TMEM132D: variants seen among roughly 807,000 people sequenced by gnomAD.
The protein encoded by TMEM132D is transmembrane protein 132D.
In TMEM132D, 21 loss-of-function variants were observed where a neutral mutation model predicts 62.3. The observed-to-expected ratio is 0.34, with a 90% CI of 0.24 to 0.49. TMEM132D has a LOEUF of 0.49. Ranked by LOEUF, TMEM132D falls within the 20% of genes least tolerant of loss-of-function variation. The pLI, the probability that TMEM132D is intolerant of heterozygous loss-of-function variation, is 0.99. For missense variants in TMEM132D, 1,346 were observed against 1,402.8 expected (o/e 0.96, Z 0.65); for synonymous variants, 621 against 575.6 (o/e 1.08, Z -1.13).
At chr12:129,143,736 G>C (rs550526894) in intron 5 of TMEM132D, among the ~76,000 whole-genome samples, 2 of 152,206 alleles carry the variant, frequency 1.3e-5, no homozygotes, top group Admixed American at 6.5e-5. Context: ...TGCAGAAAAA[G>C]AGAAAGGAAT....
intron 5 of TMEM132D, among the ~76,000 whole-genome samples, chr12:129,191,390 C>A (rs1023784934): frequency 6.7e-6 from 1 of 150,334 alleles, no homozygotes; most frequent in Non-Finnish European, 1.5e-5. Flanking sequence ...AGAAATTACA[C>A]ATATAGAATA....
chr12:129,789,913 A>C (rs1186374478), intron 1 of TMEM132D, among the ~76,000 whole-genome samples: 1 of 152,258 alleles, frequency 6.6e-6, no homozygotes, highest in East Asian at 1.9e-4. Context: ...CTTGTGTCTG[A>C]AATCCATAAA....
chr12:129,598,908 C>A (rs971755433), intron 2 of TMEM132D, among the ~76,000 whole-genome samples: 2 of 152,166 alleles, frequency 1.3e-5, no homozygotes, highest in Non-Finnish European at 2.9e-5. Context: ...TAAGGCCTGG[C>A]TGCTCAGACC....
intron 3 of TMEM132D, among the ~76,000 whole-genome samples, chr12:129,406,529 A>C (rs897520223): frequency 6.6e-6 from 1 of 151,942 alleles, no homozygotes; most frequent in Non-Finnish European, 1.5e-5. Flanking sequence ...CTAAGGCAGG[A>C]GAATGGCGTG....
At chr12:129,446,046 G>C (rs745905988) in intron 3 of TMEM132D, among the ~76,000 whole-genome samples, 3 of 152,168 alleles carry the variant, frequency 2.0e-5, no homozygotes, top group African/African-American at 4.8e-5. Flanking sequence ...TCAGAAAAGG[G>C]AGAGAAGCTT....
At chr12:129,701,210 T>C (rs1881377878) in intron 1 of TMEM132D, among the ~76,000 whole-genome samples, 1 of 152,228 alleles carries the variant, frequency 6.6e-6, no homozygotes, top group African/African-American at 2.4e-5. Flanking sequence ...TCCACTCATA[T>C]GCACGTTCTG....
chr12:129,306,453 T>C (rs1178137343), intron 4 of TMEM132D, among the ~76,000 whole-genome samples: 2 of 152,154 alleles, frequency 1.3e-5, no homozygotes, highest in Non-Finnish European at 2.9e-5. Flanking sequence ...TTCCAAAACA[T>C]ATTAACAAAG....
chr12:129,310,290 A>C (rs1881942384), intron 4 of TMEM132D, among the ~76,000 whole-genome samples: 1 of 152,182 alleles, frequency 6.6e-6, no homozygotes, highest in Non-Finnish European at 1.5e-5. Flanking sequence ...CCCAGAAAAC[A>C]GAAGGGCATT....
At position 129,620,531 on chromosome 12, in the gene TMEM132D, G is replaced by A. The variant is rs372854505; in HGVS notation, c.968+79279C>T. 3.1e-3 allele frequency among the ~76,000 whole-genome samples: 477 copies of A among 152,222 alleles called. 5 individuals are homozygous for A. Among genetic ancestry groups the A allele is most frequent in the African/African-American group, 0.011 (457 of 41,524 alleles). ...TGAGAATCACTTGAACCCGGGAGGC[G>A]GAGGTTGCAGTCAGCTAAGATTGGG... On this transcript the variant is annotated intron_variant, in intron 2 of 8. Coordinates refer to ENST00000422113, the MANE Select transcript of TMEM132D (RefSeq NM_133448.3).
intron 3 of TMEM132D, among the ~76,000 whole-genome samples, chr12:129,497,057 C>G: frequency 6.6e-6 from 1 of 152,298 alleles, no homozygotes; most frequent in East Asian, 1.9e-4. Context: ...CCTGTCATCC[C>G]AGCACTTTGA....
intron 4 of TMEM132D, among the ~76,000 whole-genome samples, chr12:129,314,487 T>C (rs1347188482): frequency 1.3e-5 from 2 of 152,270 alleles, no homozygotes; most frequent in Non-Finnish European, 2.9e-5. Flanking sequence ...CCTATTTTTA[T>C]ACCAGTACCA....
At chr12:129,543,304 GGATGGATA>G (rs1337988273) in intron 2 of TMEM132D, among the ~76,000 whole-genome samples, 3,446 of 135,928 alleles carry the variant, frequency 0.025, 196 homozygotes, top group African/African-American at 0.095. Flanking sequence ...GTGGGTGGGT[GGATGGATA>G]GATGGATGGA....
intron 3 of TMEM132D, among the ~76,000 whole-genome samples, chr12:129,478,295 T>C (rs1179420532): frequency 2.0e-5 from 3 of 152,184 alleles, no homozygotes; most frequent in Non-Finnish European, 4.4e-5. Context: ...TCATAAAAAC[T>C]CTACACTTAG....
intron 4 of TMEM132D, among the ~76,000 whole-genome samples, chr12:129,272,142 G>T (rs895407954): frequency 3.3e-5 from 5 of 151,842 alleles, no homozygotes; most frequent in Non-Finnish European, 7.3e-5. Context: ...ATGAGGAAAA[G>T]AATACCCAAG....
chr12:129,455,273 G>T (rs573873586), intron 3 of TMEM132D, among the ~76,000 whole-genome samples: 2 of 152,310 alleles, frequency 1.3e-5, no homozygotes, highest in East Asian at 3.9e-4. Flanking sequence ...TAGACATCCT[G>T]GATCCAGACC....
intron 3 of TMEM132D, among the ~76,000 whole-genome samples, chr12:129,346,616 C>G (rs1472604512): frequency 6.6e-6 from 1 of 152,116 alleles, no homozygotes. Flanking sequence ...TGAATGGGTA[C>G]AAGCTGGAAG....
At chr12:129,547,405 C>T (rs1876767675) in intron 2 of TMEM132D, among the ~76,000 whole-genome samples, 1 of 152,080 alleles carries the variant, frequency 6.6e-6, no homozygotes, top group African/African-American at 2.4e-5. Flanking sequence ...TGCCTGGCCA[C>T]GTGGCTTTCT....
chr12:129,203,272 C>T (rs940468927), intron 5 of TMEM132D, among the ~76,000 whole-genome samples: 2 of 152,258 alleles, frequency 1.3e-5, no homozygotes, highest in Non-Finnish European at 2.9e-5. Context: ...GACCACATGA[C>T]AGCTCCAGAG....
chr12:129,101,172 G>A (rs1364316100), intron 5 of TMEM132D, among the ~76,000 whole-genome samples: 1 of 152,136 alleles, frequency 6.6e-6, no homozygotes, highest in Non-Finnish European at 1.5e-5. Context: ...TAAGCTCTGT[G>A]GTGCCAGTCG....
Sources: allele counts gnomAD v4.1 joint callset (sites outside exome capture counted in the v4.1 genomes callset), GRCh38; gene constraint gnomAD v4.1.1; transcripts MANE v1.5; gene names NCBI Gene and HGNC (gene_info 2026-07-23, HGNC 2026-07-21).